Variants in PDE4D observed in about 807,000 individuals in gnomAD.
PDE4D encodes the protein phosphodiesterase 4D, also known as 3',5'-cyclic-AMP phosphodiesterase 4D.
Under a neutral mutation model 87.4 loss-of-function variants are expected in PDE4D, and 24 were observed. The ratio of observed to expected loss-of-function variants is 0.27; its 90% CI spans 0.20 to 0.39. PDE4D has a LOEUF of 0.39. PDE4D is among the 10% of genes least tolerant of loss of function. PDE4D has a pLI of 1.00. For synonymous variants in PDE4D, 384 were observed against 383.2 expected (o/e 1.00, Z -0.02); for missense variants, 714 against 1,041.0 (o/e 0.69, Z 4.32).
At chr5:60,391,888 A>T (rs528627224) in intron 1 of PDE4D, among the ~76,000 whole-genome samples, 2 of 152,324 alleles carry the variant, frequency 1.3e-5, no homozygotes, top group South Asian at 4.1e-4. Context: ...GTGATGTTCC[A>T]TGTTTAGCCC....
intron 1 of PDE4D, among the ~76,000 whole-genome samples, chr5:59,801,814 A>T (rs1277574924): frequency 6.6e-6 from 1 of 152,226 alleles, no homozygotes; most frequent in African/African-American, 2.4e-5. Context: ...TACCCACCAG[A>T]TCCTTATGGT....
intron 2 of PDE4D, among the ~76,000 whole-genome samples, chr5:60,135,430 T>C (rs895660997): frequency 2.0e-5 from 3 of 152,200 alleles, no homozygotes; most frequent in Non-Finnish European, 4.4e-5. Flanking sequence ...TAGTTGTGCA[T>C]GCCTACAGGC....
intron 1 of PDE4D, among the ~76,000 whole-genome samples, chr5:59,807,683 A>T (rs1299247255): frequency 6.6e-6 from 1 of 152,204 alleles, no homozygotes; most frequent in East Asian, 1.9e-4. Flanking sequence ...ACACTGAGGG[A>T]GCAGATAGAA....
intron 5 of PDE4D, among the ~76,000 whole-genome samples, chr5:59,092,156 T>C (rs565151333): frequency 6.6e-6 from 1 of 152,334 alleles, no homozygotes; most frequent in Admixed American, 6.5e-5. Flanking sequence ...CTTTATGATG[T>C]TGGACATGAA....
intron 1 of PDE4D, among the ~76,000 whole-genome samples, chr5:60,389,753 A>T (rs962370789): frequency 1.3e-5 from 2 of 152,082 alleles, no homozygotes; most frequent in Admixed American, 6.5e-5. Flanking sequence ...TTCTGGGAGC[A>T]AGCCTCTCAG....
intron 1 of PDE4D, among the ~76,000 whole-genome samples, chr5:59,794,225 T>C (rs1456769652): frequency 1.3e-5 from 2 of 151,882 alleles, no homozygotes; most frequent in Non-Finnish European, 2.9e-5. Context: ...AGCCCTGCAG[T>C]TGGCTTCATC....
intron 1 of PDE4D, among the ~76,000 whole-genome samples, chr5:59,492,129 A>G (rs1002674124): frequency 2.7e-4 from 41 of 152,150 alleles, no homozygotes; most frequent in African/African-American, 9.2e-4. Context: ...TTTCTAGAGA[A>G]TCTGGCTTAC....
rs573904372 is a variant in PDE4D, at chr5:59,091,135, G to GA, written c.809-52165dup. 8.0e-4 allele frequency: 359 copies of GA among 451,236 alleles called. 1 individual carries two copies. The highest frequency in any genetic ancestry group is 6.7e-3 in the African/African-American group (333 of 49,754). 28.0% of individuals were successfully genotyped at this position (451,236 alleles called of 1,614,324 possible). A position where few individuals can be genotyped will look rare whatever the true frequency, so the allele number is the denominator to read the frequency against. On this transcript the variant is annotated intron_variant, in intron 5 of 14. Transcript: ENST00000340635. ...ATCCCATTATAGAGCCCTGTCATTT[G>GA]AAAAAAAAGAAAGAAAATCCAAGTG...
chr5:59,342,740 A>G (rs1243500684), intron 1 of PDE4D, among the ~76,000 whole-genome samples: 1 of 152,130 alleles, frequency 6.6e-6, no homozygotes. Flanking sequence ...ACCCCAGAAT[A>G]TAAAATATAA....
chr5:60,346,701 C>G (rs960937127), intron 1 of PDE4D, among the ~76,000 whole-genome samples: 1 of 152,114 alleles, frequency 6.6e-6, no homozygotes, highest in Non-Finnish European at 1.5e-5. Context: ...AACCCAGAGT[C>G]TCGGTTTTTA....
At chr5:59,647,326 A>T (rs1212071203) in intron 1 of PDE4D, among the ~76,000 whole-genome samples, 1 of 152,126 alleles carries the variant, frequency 6.6e-6, no homozygotes, top group Non-Finnish European at 1.5e-5. Context: ...TAAGGATAAG[A>T]TTATTATTTT....
chr5:59,380,388 C>CAAAAAAAAAAAAAAA (rs10574102), intron 1 of PDE4D, among the ~76,000 whole-genome samples: 6 of 108,898 alleles, frequency 5.5e-5, no homozygotes, highest in Non-Finnish European at 9.3e-5. Context: ...CAAAAGCAAT[C>CAAAAAAAAAAAAAAA]AAAAAAAAAA....
At chr5:60,219,505 T>C (rs1744249924) in intron 1 of PDE4D, among the ~76,000 whole-genome samples, 1 of 152,212 alleles carries the variant, frequency 6.6e-6, no homozygotes, top group African/African-American at 2.4e-5. Context: ...CCACGTCAGA[T>C]ACGTGGGATA....
In PDE4D at chr5:59,255,388, G is replaced by A. The variant is rs117631512; in HGVS notation, c.456-39420C>T. The stretch of plus-strand genomic sequence containing the variant: ...TAGAGGAAAAAAACGTAGATTAGCC[G>A]TTGCCTAGAGCTGTGGGGTGGAAGG... On this transcript the variant is annotated intron_variant, in intron 1 of 14. Coordinates refer to ENST00000340635, the MANE Select transcript of PDE4D (RefSeq NM_001104631.2). Among the ~76,000 whole-genome samples, 185 of 152,160 alleles carry A rather than the reference G, an allele frequency of 1.2e-3. 2 individuals are homozygous for A. In the East Asian group the frequency reaches 0.029, roughly 24 times the overall value.
At chr5:59,042,830 T>C (rs1580477550) in intron 5 of PDE4D, among the ~76,000 whole-genome samples, 1 of 152,300 alleles carries the variant, frequency 6.6e-6, no homozygotes, top group East Asian at 1.9e-4. Context: ...GTGATATGCT[T>C]AGAGGTTCCC....
chr5:59,155,913 C>T (rs1420401329), intron 5 of PDE4D, among the ~76,000 whole-genome samples: 1 of 152,076 alleles, frequency 6.6e-6, no homozygotes, highest in African/African-American at 2.4e-5. Flanking sequence ...CACAGACTTT[C>T]TTCAAAAAGC....
At chr5:58,976,549 T>A in intron 12 of PDE4D, 77 bp from the exon 13 acceptor site, 3 of 1,166,016 alleles carry the variant, frequency 2.6e-6, no homozygotes, top group Admixed American at 4.7e-5. Context: ...AATATAAGAA[T>A]GAAAAAGGAA....
At chr5:59,954,651 C>T (rs1472324720) in intron 3 of PDE4D, among the ~76,000 whole-genome samples, 1 of 152,146 alleles carries the variant, frequency 6.6e-6, no homozygotes, top group Admixed American at 6.6e-5. Flanking sequence ...AATGGCACTG[C>T]CCTGAAGGTT....
At chr5:59,670,413 AC>A (rs1344678381) in intron 1 of PDE4D, among the ~76,000 whole-genome samples, 1 of 152,220 alleles carries the variant, frequency 6.6e-6, no homozygotes, top group Non-Finnish European at 1.5e-5. Context: ...GGAAAATTCC[AC>A]ACCTGACCTC....
Sources: allele counts gnomAD v4.1 joint callset (sites outside exome capture counted in the v4.1 genomes callset), GRCh38; gene constraint gnomAD v4.1.1; transcripts MANE v1.5; gene names NCBI Gene and HGNC (gene_info 2026-07-23, HGNC 2026-07-21).